ASIC3: variants seen among roughly 807,000 people sequenced by gnomAD.
The protein encoded by ASIC3 is acid-sensing ion channel 3.
ASIC3 carries 46 observed loss-of-function variants against 58.6 expected under a neutral mutation model. That is an observed-to-expected ratio of 0.79 (90% CI 0.62 to 1.00). The LOEUF (loss-of-function observed/expected upper bound fraction) is 1.00. Among genes scored for constraint, ASIC3 ranks in the 50% least tolerant of loss-of-function variants. The probability of loss-of-function intolerance (pLI) is 0.00; values close to 1 mark genes in which losing one functional copy is unlikely to be tolerated. For synonymous variants in ASIC3, 336 were observed against 300.2 expected, an observed-to-expected ratio of 1.12 and a Z score of -1.23; for missense variants, 770 against 735.0, an observed-to-expected ratio of 1.05 and a Z score of -0.55.
chr7:151,048,753 G>A lies in ASIC3; in HGVS notation c.-133G>A. Reference sequence around the variant, plus strand: ...AGTGCCTCCCTGCCTTCCAACCTTGGCTGTCTCCCACCCTCTCTTCTCCTC... The same window carrying A: ...AGTGCCTCCCTGCCTTCCAACCTTGACTGTCTCCCACCCTCTCTTCTCCTC... On this transcript the variant is annotated 5_prime_UTR_variant, in exon 1 of 11. Transcript: ENST00000349064. 8.7e-7 allele frequency: 1 copy of A among 1,153,210 alleles called. No homozygotes were observed. Among genetic ancestry groups the A allele is most frequent in the Non-Finnish European group, 1.2e-6 (1 of 814,528 alleles). The allele number at this position is 1,153,210 out of a possible 1,614,324, so 71.4% of individuals were successfully genotyped here.
chr7:151,051,456 CG>C, intron 6 of ASIC3, 137 bp downstream of exon 6: 1 of 1,154,082 alleles, frequency 8.7e-7, no homozygotes, highest in East Asian at 2.8e-5. Flanking sequence ...TCTGGGGCTC[CG>C]TGCTGGTTGC....
Position 151,050,596 on chromosome 7 carries a change from C to CCAG in ASIC3, c.811_813dup (p.Gln271dup). ...CGGGCTACCAGACCTTTGTTTCTTG[C>CCAG]CAGCAGCAGCAGGTACCCTTCCGTG... On this transcript the variant is annotated inframe_insertion, in exon 3 of 11. Coordinates refer to ENST00000349064, the MANE Select transcript of ASIC3 (RefSeq NM_004769.4). 2 of 1,613,978 alleles carry CCAG rather than the reference C, an allele frequency of 1.2e-6. No homozygotes were observed. Among genetic ancestry groups the CCAG allele is most frequent in the Non-Finnish European group, 1.7e-6 (2 of 1,179,934 alleles).
At position 151,050,474 on chromosome 7, in the gene ASIC3, C is replaced by G. The variant is rs1217292242; in HGVS notation, c.686-7C>G. The G allele has an allele frequency of 1.9e-6, 3 of 1,613,126 alleles. No individual in the cohort carries two copies. Among genetic ancestry groups the G allele is most frequent in the Non-Finnish European group, 2.5e-6 (3 of 1,179,652 alleles). On this transcript the variant is annotated splice_polypyrimidine_tract_variant and splice_region_variant and intron_variant, in intron 2 of 10. Coordinates refer to ENST00000349064, the MANE Select transcript of ASIC3 (RefSeq NM_004769.4). Reference sequence around the variant, plus strand: ...CAGGTCAGGCCTCACAGGTCCCTCCCCGACAGAGGAGACCCCGTTTGAGGT... The same window carrying G: ...CAGGTCAGGCCTCACAGGTCCCTCCGCGACAGAGGAGACCCCGTTTGAGGT...
rs370226129 is a variant in ASIC3 at position 151,049,195 on chromosome 7, C to T, written c.310C>T (p.Pro104Ser). 22 of 1,613,470 alleles carry T rather than the reference C, an allele frequency of 1.4e-5. No individual in the cohort carries two copies. Among genetic ancestry groups the T allele is most frequent in the Non-Finnish European group, 1.9e-5 (22 of 1,179,744 alleles). Reference protein sequence around the residue: ...INPLRRSRLTPNDLHWAGSAL... With the variant: ...INPLRRSRLTSNDLHWAGSAL... ...CCCACTGCGCCGCTCGCGCCTAACG[C>T]CCAACGACCTGCACTGGGCTGGGTC... is the stretch of plus-strand genomic sequence containing the variant. The change falls in exon 1 of 11, where the codon CCC (proline) becomes TCC (serine). Residue 104 changes from proline (P) to serine (S), a missense_variant. Transcript: ENST00000349064.
At position 151,050,857 on chromosome 7, in the gene ASIC3, A is replaced by G. The variant is rs757667487; in HGVS notation, c.913A>G (p.Ser305Gly). ...TGATCCCCTAGGCTCCCCCAGCCCC[A>G]GCCCCAGCCCTCCCTATACCCTTAT... The part of the protein sequence containing the change: ...PSDPLGSPSP[S>G]PSPPYTLMGC... Residue 305 changes from serine to glycine, a missense_variant, in exon 4 of 11, where the codon AGC (serine) becomes GGC (glycine). Physicochemically the swap from Ser to Gly is moderately conservative, Grantham distance 56. Coordinates refer to ENST00000349064, the MANE Select transcript of ASIC3 (RefSeq NM_004769.4). 15 of 1,613,078 alleles carry G rather than the reference A, an allele frequency of 9.3e-6. No individual in the cohort carries two copies. The highest frequency in any genetic ancestry group is 3.3e-4 in the Middle Eastern group (2 of 6,060).
chr7:151,049,552 C>T, intron 1 of ASIC3, 133 bp downstream of exon 1: 1 of 1,089,420 alleles, frequency 9.2e-7, no homozygotes, highest in East Asian at 2.5e-5. Context: ...CAGCCATGGA[C>T]TCCCCACCCC....
At chr7:151,049,648 C>T (rs980508040) in intron 1 of ASIC3, among the ~76,000 whole-genome samples, 2 of 152,246 alleles carry the variant, frequency 1.3e-5, no homozygotes, top group Admixed American at 6.5e-5. Context: ...TGAGGCCACA[C>T]TGACCCCGGC....
chr7:151,051,222 A>T lies in ASIC3; in HGVS notation c.1117A>T (p.Thr373Ser), dbSNP rs750351543. The T allele has an allele frequency of 4.4e-6, 7 of 1,577,190 alleles. No homozygotes were observed. Among genetic ancestry groups the T allele is most frequent in the Non-Finnish European group, 2.6e-6 (3 of 1,168,918 alleles). ...CGCCTGCCCCAACCCGTGCGCCAGC[A>T]CGCGCTACGCCAAGGAGCTCTCCAT... ...SCACPNPCAS[T>S]RYAKELSMVR... is the part of the protein sequence containing the mutation. The change falls in exon 6 of 11, where the codon ACG becomes TCG. Residue 373 changes from threonine (T) to serine (S), a missense_variant. By Grantham distance (58) the Thr-to-Ser change is moderately conservative. Transcript: ENST00000349064.
At chr7:151,051,377 C>T in intron 6 of ASIC3, 58 bp downstream of exon 6, 2 of 1,414,680 alleles carry the variant, frequency 1.4e-6, no homozygotes, top group South Asian at 1.5e-5. Flanking sequence ...CGGGGCGGAA[C>T]GGGGCAGGCC....
intron 3 of ASIC3, 60 bp from the exon 4 acceptor site, chr7:151,050,698 C>T (rs564090081): frequency 6.2e-7 from 1 of 1,604,994 alleles, no homozygotes; most frequent in Admixed American, 1.7e-5. Context: ...GTCTAGGGGC[C>T]TCTCCCCAGC....
intron 4 of ASIC3, 32 bp from the exon 5 acceptor site, chr7:151,051,007 T>G: frequency 6.2e-7 from 1 of 1,613,222 alleles, no homozygotes; most frequent in Non-Finnish European, 8.5e-7. Flanking sequence ...GAGCTGAGGC[T>G]GCTTCTAAAG....
Position 151,052,533 on chromosome 7 carries a change from G to T in ASIC3, c.1518-41G>T. 6.2e-7 allele frequency: 1 copy of T among 1,613,690 alleles called. No individual in the cohort carries two copies. Among genetic ancestry groups the T allele is most frequent in the South Asian group, 1.1e-5 (1 of 91,032 alleles). ...GGCAGGGGCAGGCTCAGGACAGTGG[G>T]TGTGCCCGTTCCCACCCCAGCACTC... On this transcript the variant is annotated intron_variant, in intron 10 of 10. Transcript: ENST00000349064. The surrounding 1 kb of genome is among the most constrained non-coding windows in gnomAD (Gnocchi z 5.0).
chr7:151,048,428 C>G (rs866507682), upstream of ASIC3: 7 of 169,156 alleles, frequency 4.1e-5, no homozygotes, highest in Middle Eastern at 5.7e-3. Context: ...GCCATGCCCC[C>G]CTCCATGCTG....
chr7:151,049,204 C>G lies in ASIC3; in HGVS notation c.319C>G (p.Leu107Val). 6.2e-7 allele frequency: 1 copy of G among 1,613,076 alleles called. No homozygotes were observed. The highest frequency in any genetic ancestry group is 8.5e-7 in the Non-Finnish European group (1 of 1,179,528). The change falls in exon 1 of 11, where the codon CTG becomes GTG. Residue 107 changes from leucine (L) to valine (V), a missense_variant. Physicochemically the swap from Leu to Val is conservative, Grantham distance 32 (BLOSUM62 1). Transcript: ENST00000349064. ...LRRSRLTPNDLHWAGSALLGL... is the reference protein window; with the variant it reads ...LRRSRLTPNDVHWAGSALLGL... ...CCGCTCGCGCCTAACGCCCAACGAC[C>G]TGCACTGGGCTGGGTCTGCGCTGCT...
In ASIC3 at chr7:151,052,299, C is replaced by A. The variant is rs2150360025; in HGVS notation, c.1458+62C>A. 3.7e-6 allele frequency: 6 copies of A among 1,613,012 alleles called. No homozygotes were observed. In the South Asian group the frequency reaches 6.6e-5, roughly 18 times the overall value. On this transcript the variant is annotated intron_variant, in intron 9 of 10. Transcript: ENST00000349064. The surrounding 1 kb of genome is among the most constrained non-coding windows in gnomAD (Gnocchi z 5.0). The stretch of plus-strand genomic sequence containing the variant: ...AGGGTGCTAGGGCCCACCCCTGAAG[C>A]CTAGACCACCATCCCGCCCCAGCTG...
rs780187832 is a variant in ASIC3, at chr7:151,051,050, G to A, written c.1021G>A (p.Val341Met). The A allele has an allele frequency of 1.2e-6, 2 of 1,613,218 alleles. No homozygotes were observed. Among genetic ancestry groups the A allele is most frequent in the Non-Finnish European group, 1.7e-6 (2 of 1,180,024 alleles). The part of the protein sequence containing the change: ...RMVYMPGDVP[V>M]CSPQQYKNCA... ...CCCGGTACCCGCAGGCGACGTGCCA[G>A]TGTGCAGCCCCCAGCAGTACAAGAA... is the stretch of plus-strand genomic sequence containing the variant. Residue 341 changes from valine to methionine, a missense_variant, in exon 5 of 11, where the codon GTG (valine) becomes ATG (methionine). Val to Met is a conservative substitution (Grantham distance 21). Coordinates refer to ENST00000349064, the MANE Select transcript of ASIC3 (RefSeq NM_004769.4).
In ASIC3 at chr7:151,050,879, T is replaced by C. The variant is rs1002620719; in HGVS notation, c.935T>C (p.Leu312Pro). ...CCCAGCCCCAGCCCTCCCTATACCC[T>C]TATGGGGTGTCGCCTGGCCTGCGAA... ...PSPSPSPPYT[L>P]MGCRLACETR... Residue 312 changes from leucine to proline, a missense_variant, in exon 4 of 11, where the codon CTT (leucine) becomes CCT (proline). Physicochemically the swap from Leu to Pro is moderately conservative, Grantham distance 98. Coordinates refer to ENST00000349064, the MANE Select transcript of ASIC3 (RefSeq NM_004769.4). 1.2e-6 allele frequency: 2 copies of C among 1,612,938 alleles called. No individual in the cohort carries two copies. Among genetic ancestry groups the C allele is most frequent in the African/African-American group, 2.7e-5 (2 of 74,902 alleles).
At chr7:151,051,514 C>G (rs1796779375) in intron 6 of ASIC3, among the ~76,000 whole-genome samples, 195 bp downstream of exon 6, 1 of 130,322 alleles carries the variant, frequency 7.7e-6, no homozygotes, top group African/African-American at 2.9e-5. Context: ...TCCCAGGGGT[C>G]TGTTTTTTTT....
rs1796681361 is a variant in ASIC3 at position 151,048,559 on chromosome 7, CGGCTCAGCACCGCT to C, written c.-326_-313del. On this transcript the variant is annotated 5_prime_UTR_variant, in exon 1 of 11. Transcript: ENST00000349064. Reference sequence around the variant, plus strand: ...TGCAGCAGCGCCGGCTCAGCACCGCCGGCTCAGCACCGCTCCGCAGCCCCTGCCTGCCACGGTCA... The same window carrying C: ...TGCAGCAGCGCCGGCTCAGCACCGCCCCGCAGCCCCTGCCTGCCACGGTCA... 2 of 346,212 alleles carry C rather than the reference CGGCTCAGCACCGCT, an allele frequency of 5.8e-6. No homozygotes were observed. Among genetic ancestry groups the C allele is most frequent in the Non-Finnish European group, 1.0e-5 (2 of 190,512 alleles). The allele number at this position is 346,212 out of a possible 1,614,324, so 21.4% of individuals were successfully genotyped here. A position where few individuals can be genotyped will look rare whatever the true frequency, so the allele number is the denominator to read the frequency against.
Sources: allele counts gnomAD v4.1 joint callset (sites outside exome capture counted in the v4.1 genomes callset), GRCh38; gene constraint gnomAD v4.1.1; non-coding constraint Gnocchi (gnomAD v3.1); transcripts MANE v1.5; gene names NCBI Gene and HGNC (gene_info 2026-07-23, HGNC 2026-07-21).